The following VWA3B variants were observed in gnomAD, a reference collection of about 807,000 sequenced individuals.
The protein encoded by VWA3B is von Willebrand factor A domain containing 3B.
A neutral mutation model predicts 158.3 loss-of-function variants in VWA3B; 138 were observed. The observed-to-expected ratio is 0.87, with a 90% CI of 0.76 to 1.00. The LOEUF is 1.00. Ranked by LOEUF, VWA3B falls within the 50% of genes least tolerant of loss-of-function variation. The probability of loss-of-function intolerance (pLI) is 0.00; values close to 1 mark genes in which losing one functional copy is unlikely to be tolerated. For missense variants in VWA3B, 1,555 were observed against 1,565.1 expected (o/e 0.99, Z 0.11); for synonymous variants, 596 against 587.3 (o/e 1.01, Z -0.21).
chr2:98,121,338 T>C lies in VWA3B; in HGVS notation c.582T>C (p.Thr194=). Residue 194 remains threonine, a synonymous_variant, in exon 5 of 28, where the codon ACT becomes ACC. Coordinates refer to ENST00000477737, the MANE Select transcript of VWA3B (RefSeq NM_144992.5). ...QEPVKWQENA[T]PVTEQSIATA... The stretch of plus-strand genomic sequence containing the variant: ...CTGTGAAGTGGCAGGAAAATGCTAC[T>C]CCTGTGACCGAACAGTCCATAGCTA... The C allele has an allele frequency of 6.2e-7, 1 of 1,614,048 alleles. No individual in the cohort carries two copies. Among genetic ancestry groups the C allele is most frequent in the Non-Finnish European group, 8.5e-7 (1 of 1,179,898 alleles).
At chr2:98,212,905 T>C (rs1683655195) in intron 13 of VWA3B, among the ~76,000 whole-genome samples, 1 of 152,188 alleles carries the variant, frequency 6.6e-6, no homozygotes, top group Admixed American at 6.5e-5. Context: ...TCTGAGGCTA[T>C]AAAGATGAGT....
chr2:98,154,898 G>A (rs1450425169), intron 7 of VWA3B, among the ~76,000 whole-genome samples: 2 of 152,128 alleles, frequency 1.3e-5, no homozygotes, highest in Non-Finnish European at 2.9e-5. Flanking sequence ...CTGGGCTCTG[G>A]GGATACAATG....
At chr2:98,216,982 A>ACCC (rs139373261) in intron 13 of VWA3B, 246,709 of 1,153,884 alleles carry the variant, frequency 0.21, 6,019 homozygotes, top group South Asian at 0.31. Context: ...CATTGTAAGC[A>ACCC]CCCGCCCCGC....
intron 14 of VWA3B, among the ~76,000 whole-genome samples, chr2:98,222,636 C>T (rs1462344918): frequency 6.6e-6 from 1 of 152,188 alleles, no homozygotes; most frequent in African/African-American, 2.4e-5. Flanking sequence ...ACCTGGAGGA[C>T]AGCAGGGGAG....
chr2:98,162,027 C>G (rs1001387756), intron 7 of VWA3B, among the ~76,000 whole-genome samples: 64 of 152,082 alleles, frequency 4.2e-4, no homozygotes, highest in Admixed American at 3.2e-3. Flanking sequence ...TATTCTTTAC[C>G]CACTTTCCCC....
intron 19 of VWA3B, among the ~76,000 whole-genome samples, chr2:98,248,856 TTTC>T (rs1465499896): frequency 2.0e-4 from 5 of 24,634 alleles, no homozygotes; most frequent in African/African-American, 1.1e-3. Context: ...TCTTTCTTTC[TTTC>T]TTTCTTTCTT....
At chr2:98,262,078 T>C (rs897601247) in intron 21 of VWA3B, among the ~76,000 whole-genome samples, 4 of 151,844 alleles carry the variant, frequency 2.6e-5, no homozygotes, top group Non-Finnish European at 3.0e-5. Flanking sequence ...TATATCTTCT[T>C]TGGAGAAATG....
At chr2:98,167,995 C>A (rs1278927406) in intron 8 of VWA3B, among the ~76,000 whole-genome samples, 2 of 152,104 alleles carry the variant, frequency 1.3e-5, no homozygotes, top group African/African-American at 4.8e-5. Flanking sequence ...CATCTCTGAA[C>A]AAAGCTCAAG....
intron 21 of VWA3B, among the ~76,000 whole-genome samples, chr2:98,268,121 A>G (rs1422664014): frequency 2.0e-5 from 3 of 151,544 alleles, no homozygotes; most frequent in East Asian, 1.9e-4. Context: ...ACAAGGAGGA[A>G]CTGGTACCAT....
chr2:98,219,700 A>G (rs1186457819), intron 14 of VWA3B, among the ~76,000 whole-genome samples: 1 of 152,216 alleles, frequency 6.6e-6, no homozygotes, highest in Non-Finnish European at 1.5e-5. Flanking sequence ...AAGAAGACAC[A>G]TTGTGCACAG....
chr2:98,094,971 C>G (rs2104820833), intron 2 of VWA3B, among the ~76,000 whole-genome samples: 1 of 152,212 alleles, frequency 6.6e-6, no homozygotes, highest in East Asian at 1.9e-4. Flanking sequence ...CTATTCTATT[C>G]CATTGATCTA....
chr2:98,185,583 G>A (rs761496244), intron 9 of VWA3B, among the ~76,000 whole-genome samples: 37 of 152,240 alleles, frequency 2.4e-4, no homozygotes, highest in Middle Eastern at 6.8e-3. Flanking sequence ...TCCGCTCCAC[G>A]CTCACTCCAC....
chr2:98,102,086 T>G (rs1683117743), intron 2 of VWA3B, among the ~76,000 whole-genome samples: 1 of 152,060 alleles, frequency 6.6e-6, no homozygotes, highest in Non-Finnish European at 1.5e-5. Context: ...TTAATGAGCA[T>G]GCTGCCTTCA....
chr2:98,214,762 C>T (rs1683832045), intron 13 of VWA3B, among the ~76,000 whole-genome samples: 1 of 152,142 alleles, frequency 6.6e-6, no homozygotes, highest in South Asian at 2.1e-4. Context: ...TAGCTAGTCC[C>T]CTGCAGATAC....
chr2:98,226,774 AT>A (rs1453472632), intron 14 of VWA3B, among the ~76,000 whole-genome samples: 1 of 152,238 alleles, frequency 6.6e-6, no homozygotes, highest in Non-Finnish European at 1.5e-5. Flanking sequence ...ATGCACAGAC[AT>A]TTCACTGAAG....
At chr2:98,285,184 A>C (rs1285168307) in intron 22 of VWA3B, among the ~76,000 whole-genome samples, 2 of 152,102 alleles carry the variant, frequency 1.3e-5, no homozygotes, top group Non-Finnish European at 2.9e-5. Flanking sequence ...CCTCATGCCC[A>C]TTTGCAGTCA....
chr2:98,243,653 A>G (rs1686218129), intron 19 of VWA3B, among the ~76,000 whole-genome samples: 1 of 152,114 alleles, frequency 6.6e-6, no homozygotes, highest in African/African-American at 2.4e-5. Context: ...ACATACTCTC[A>G]TGGGTTTATG....
At chr2:98,213,671 G>A (rs1683734607) in intron 13 of VWA3B, among the ~76,000 whole-genome samples, 1 of 152,168 alleles carries the variant, frequency 6.6e-6, no homozygotes, top group African/African-American at 2.4e-5. Context: ...TAGGCTTGGG[G>A]GTGGCTGGTG....
chr2:98,095,532 G>A (rs1485377257), intron 2 of VWA3B, among the ~76,000 whole-genome samples: 1 of 152,136 alleles, frequency 6.6e-6, no homozygotes, highest in Non-Finnish European at 1.5e-5. Flanking sequence ...GGAGTCTTTA[G>A]GATTTTCTCT....
Sources: gnomAD v4.1 joint callset for allele counts (sites outside exome capture counted in the v4.1 genomes callset) on GRCh38, gnomAD v4.1.1 for gene constraint, MANE v1.5 for transcripts, NCBI Gene and HGNC (gene_info 2026-07-23, HGNC 2026-07-21) for gene names.